PTPRD: variants seen among roughly 807,000 people sequenced by gnomAD.
The protein encoded by PTPRD is protein tyrosine phosphatase receptor type D, also known as receptor-type tyrosine-protein phosphatase delta.
PTPRD carries 34 observed loss-of-function variants against 214.5 expected under a neutral mutation model. That is an observed-to-expected ratio of 0.16 (90% CI 0.12 to 0.21). PTPRD has a LOEUF of 0.21. Ranked by LOEUF, PTPRD falls within the 10% of genes least tolerant of loss-of-function variation. The pLI is 1.00. For missense variants in PTPRD, 2,545 were observed against 2,398.7 expected (o/e 1.06, Z -1.27); for synonymous variants, 1,128 against 845.7 (o/e 1.33, Z -5.79).
At chr9:9,577,303 T>C (rs942547557) in intron 7 of PTPRD, among the ~76,000 whole-genome samples, 5 of 152,064 alleles carry the variant, frequency 3.3e-5, no homozygotes, top group African/African-American at 1.2e-4. Context: ...GTGGCTAATG[T>C]CTGTAACCTC....
chr9:10,342,641 T>A (rs1363669778), intron 2 of PTPRD, among the ~76,000 whole-genome samples: 1 of 152,124 alleles, frequency 6.6e-6, no homozygotes, highest in East Asian at 1.9e-4. Context: ...ATTATTTTAT[T>A]GTTCTTAATT....
chr9:8,797,425 G>C (rs141190586), intron 11 of PTPRD, among the ~76,000 whole-genome samples: 2 of 152,084 alleles, frequency 1.3e-5, no homozygotes, highest in African/African-American at 4.8e-5. Flanking sequence ...TTGTTTATTC[G>C]GTGCTAGCAC....
chr9:8,413,500 A>C (rs2093682004), intron 35 of PTPRD, among the ~76,000 whole-genome samples: 1 of 152,150 alleles, frequency 6.6e-6, no homozygotes, highest in African/African-American at 2.4e-5. Context: ...ATTTCATACC[A>C]AATGTATTTA....
At chr9:9,539,338 A>G (rs942454663) in intron 8 of PTPRD, among the ~76,000 whole-genome samples, 33 of 151,952 alleles carry the variant, frequency 2.2e-4, no homozygotes, top group African/African-American at 7.5e-4. Flanking sequence ...GAAAGGGGGT[A>G]GGTGGGAGTT....
chr9:8,602,409 T>C (rs924867441), intron 14 of PTPRD, among the ~76,000 whole-genome samples: 4 of 152,230 alleles, frequency 2.6e-5, no homozygotes, highest in Non-Finnish European at 5.9e-5. Context: ...CAACAGCAAC[T>C]GTGACTCTTG....
chr9:9,344,771 A>G (rs968009910), intron 9 of PTPRD, among the ~76,000 whole-genome samples: 2 of 152,038 alleles, frequency 1.3e-5, no homozygotes, highest in Non-Finnish European at 2.9e-5. Context: ...TATTTTGAAA[A>G]AGTTTTATAA....
intron 12 of PTPRD, among the ~76,000 whole-genome samples, chr9:8,724,288 CT>C (rs1772572064): frequency 6.6e-6 from 1 of 152,180 alleles, no homozygotes; most frequent in South Asian, 2.1e-4. Flanking sequence ...CTCCTTCACT[CT>C]AAATTTTAAC....
intron 2 of PTPRD, among the ~76,000 whole-genome samples, chr9:10,398,509 C>G (rs1163437185): frequency 6.6e-6 from 1 of 151,902 alleles, no homozygotes. Context: ...ATTATTAAAA[C>G]TGTGGGTGGA....
intron 11 of PTPRD, among the ~76,000 whole-genome samples, chr9:8,739,879 C>T (rs1274721618): frequency 2.0e-5 from 3 of 152,112 alleles, no homozygotes; most frequent in Non-Finnish European, 4.4e-5. Context: ...GGGGGAGTTT[C>T]CGGGCACAAG....
chr9:9,477,546 C>T (rs943785369), intron 8 of PTPRD, among the ~76,000 whole-genome samples: 4 of 152,208 alleles, frequency 2.6e-5, no homozygotes, highest in South Asian at 2.1e-4. Flanking sequence ...TTTTACTATC[C>T]ATATCACTGA....
chr9:8,639,997 C>G (rs574953722), intron 12 of PTPRD, among the ~76,000 whole-genome samples: 1 of 152,260 alleles, frequency 6.6e-6, no homozygotes, highest in Non-Finnish European at 1.5e-5. Flanking sequence ...GTGGCACGAT[C>G]AAAGCTAACT....
chr9:8,327,345 GGT>G (rs1491401670), intron 44 of PTPRD, among the ~76,000 whole-genome samples: 2 of 96,100 alleles, frequency 2.1e-5, no homozygotes, highest in Admixed American at 1.0e-4. Flanking sequence ...GGTTTTGAGT[GGT>G]TTTTTTTTTT....
intron 9 of PTPRD, among the ~76,000 whole-genome samples, chr9:9,262,557 A>G (rs1283918128): frequency 6.6e-6 from 1 of 151,450 alleles, no homozygotes; most frequent in African/African-American, 2.4e-5. Context: ...GCCTTTTTAT[A>G]CAGAAATGGG....
intron 4 of PTPRD, among the ~76,000 whole-genome samples, chr9:9,983,596 G>A (rs2095613831): frequency 6.6e-6 from 1 of 152,092 alleles, no homozygotes; most frequent in South Asian, 2.1e-4. Context: ...TTTCACATGG[G>A]AACCAAAACG....
intron 4 of PTPRD, among the ~76,000 whole-genome samples, chr9:9,973,941 T>C (rs979180126): frequency 6.6e-6 from 1 of 152,148 alleles, no homozygotes; most frequent in Non-Finnish European, 1.5e-5. Context: ...ACCACTGACA[T>C]TGATTTGATA....
At position 8,677,887 on chromosome 9, in the gene PTPRD, G is replaced by A. The variant is rs551954994; in HGVS notation, c.65-41043C>T. Among the ~76,000 whole-genome samples, 21 of 152,240 alleles carry A rather than the reference G, an allele frequency of 1.4e-4. No individual in the cohort carries two copies. In the South Asian group the frequency reaches 4.4e-3, roughly 32 times the overall value. On this transcript the variant is annotated intron_variant, in intron 12 of 45. Transcript: ENST00000381196. ...TCTAAGATTGATGAATCAGAGGAAG[G>A]GGAAAGCAGCAGCAGTTATTTTGAT... is the stretch of plus-strand genomic sequence containing the variant.
intron 11 of PTPRD, among the ~76,000 whole-genome samples, chr9:8,976,338 A>G (rs896150311): frequency 1.3e-5 from 2 of 152,114 alleles, no homozygotes; most frequent in Admixed American, 6.6e-5. Flanking sequence ...TGATAGAACT[A>G]GGACCTAATT....
chr9:9,139,510 G>T (rs2099856533), intron 10 of PTPRD, among the ~76,000 whole-genome samples: 1 of 152,120 alleles, frequency 6.6e-6, no homozygotes, highest in East Asian at 1.9e-4. Flanking sequence ...TTAAGTAAAA[G>T]AAGCATTACT....
intron 2 of PTPRD, among the ~76,000 whole-genome samples, chr9:10,518,749 G>T (rs1016293927): frequency 6.6e-6 from 1 of 151,840 alleles, no homozygotes; most frequent in Admixed American, 6.6e-5. Context: ...AGCCAAGATG[G>T]TCTTGATCTC....
Sources: gnomAD v4.1 joint callset for allele counts (sites outside exome capture counted in the v4.1 genomes callset) on GRCh38, gnomAD v4.1.1 for gene constraint, MANE v1.5 for transcripts, NCBI Gene and HGNC (gene_info 2026-07-23, HGNC 2026-07-21) for gene names.